The following SIAE variants were observed in gnomAD, a reference collection of about 807,000 sequenced individuals.
The protein encoded by SIAE is sialic acid acetylesterase.
SIAE carries 39 observed loss-of-function variants against 52.6 expected under a neutral mutation model. The ratio of observed to expected loss-of-function variants is 0.74; its 90% CI spans 0.57 to 0.97. The LOEUF is 0.97. Ranked by LOEUF, SIAE falls within the 50% of genes least tolerant of loss-of-function variation. SIAE has a pLI of 0.00. For missense variants in SIAE, 592 were observed against 662.1 expected, an observed-to-expected ratio of 0.89 and a Z score of 1.16; for synonymous variants, 233 against 241.4, an observed-to-expected ratio of 0.97 and a Z score of 0.32.
rs1942754486 is a variant in SIAE, at chr11:124,636,976, C to T, written c.1547G>A (p.Gly516Glu). The part of the protein sequence containing the change: ...FIAFITDQGP[G>E]HQSNVAK The stretch of plus-strand genomic sequence containing the variant: ...TCATTTAGCAACATTGCTCTGATGT[C>T]CAGGACCCTGGTCTGTAATGAAAGC... The change falls in exon 10 of 10, where the codon GGA becomes GAA. Residue 516 changes from glycine (G) to glutamate (E), a missense_variant. Transcript: ENST00000263593. The T allele has an allele frequency of 6.2e-7, 1 of 1,614,024 alleles. No individual in the cohort carries two copies. The highest frequency in any genetic ancestry group is 1.1e-5 in the South Asian group (1 of 91,088).
intron 4 of SIAE, among the ~76,000 whole-genome samples, chr11:124,652,183 GGCAAAATAACAGACCC>G (rs1943027150): frequency 6.6e-6 from 1 of 152,084 alleles, no homozygotes; most frequent in South Asian, 2.1e-4. Flanking sequence ...GTGGGGTGTA[GGCAAAATAACAGACCC>G]CAAAGACGTC....
At chr11:124,641,819 G>A (rs927611611) in intron 7 of SIAE, among the ~76,000 whole-genome samples, 1 of 151,972 alleles carries the variant, frequency 6.6e-6, no homozygotes, top group African/African-American at 2.4e-5. Flanking sequence ...AATTAGCCGG[G>A]AGTGGTTGCA....
intron 9 of SIAE, 98 bp downstream of exon 9, chr11:124,638,444 C>A: frequency 7.4e-7 from 1 of 1,347,080 alleles, no homozygotes; most frequent in Non-Finnish European, 1.1e-6. Context: ...CAACCAAGAC[C>A]CGCCACATCG....
At chr11:124,640,801 C>G (rs1004345892) in intron 7 of SIAE, among the ~76,000 whole-genome samples, 9 of 152,202 alleles carry the variant, frequency 5.9e-5, no homozygotes, top group Non-Finnish European at 8.8e-5. Flanking sequence ...GTGTCACTTC[C>G]TAGCCTAAGT....
chr11:124,648,006 G>T, intron 6 of SIAE, 60 bp downstream of exon 6: 1 of 1,255,106 alleles, frequency 8.0e-7, no homozygotes, highest in Non-Finnish European at 1.2e-6. Context: ...GTTCTAGGGT[G>T]CTGTGTTATA....
chr11:124,639,912 C>A (rs1942817229), intron 7 of SIAE, 45 bp from the exon 8 acceptor site: 1 of 1,606,914 alleles, frequency 6.2e-7, no homozygotes, highest in South Asian at 1.1e-5. Context: ...CAGAATCCCA[C>A]ACTGGAGTCT....
At position 124,635,985 on chromosome 11, in the gene SIAE, C is replaced by T. The variant is rs867669358; in HGVS notation, c.*966G>A. On this transcript the variant is annotated 3_prime_UTR_variant, in exon 10 of 10. Coordinates refer to ENST00000263593, the MANE Select transcript of SIAE (RefSeq NM_170601.5). ...TGTCATGTGGCTTTACTTTCAGCCTCACTCTTTTCTTCTTCCAAATGGATT... is the reference window on the plus strand; with the variant it reads ...TGTCATGTGGCTTTACTTTCAGCCTTACTCTTTTCTTCTTCCAAATGGATT... The T allele has an allele frequency of 1.1e-4, 16 of 152,256 alleles. No homozygotes were observed. Among genetic ancestry groups the T allele is most frequent in the Middle Eastern group, 6.8e-3 (2 of 294 alleles). 9.4% of individuals were successfully genotyped at this position (152,256 alleles called of 1,614,324 possible). A position where few individuals can be genotyped will look rare whatever the true frequency, so the allele number is the denominator to read the frequency against.
At chr11:124,651,694 G>A (rs963428848) in intron 4 of SIAE, among the ~76,000 whole-genome samples, 6 of 152,158 alleles carry the variant, frequency 3.9e-5, no homozygotes, top group African/African-American at 1.2e-4. Flanking sequence ...AATAAACACT[G>A]ACCTCCCCGC....
At position 124,654,808 on chromosome 11, in the gene SIAE, G is replaced by T; in HGVS notation, c.406-15C>A. 1 of 1,612,730 alleles carries T rather than the reference G, an allele frequency of 6.2e-7. No homozygotes were observed. Among genetic ancestry groups the T allele is most frequent in the South Asian group, 1.1e-5 (1 of 90,998 alleles). Reference sequence around the variant, plus strand: ...GCATTAAATATCTGGAAAAGAAATTGAAACGTCATTTAACCTAGCAGGTGG... The same window carrying T: ...GCATTAAATATCTGGAAAAGAAATTTAAACGTCATTTAACCTAGCAGGTGG... On this transcript the variant is annotated splice_polypyrimidine_tract_variant and intron_variant, in intron 3 of 9. Coordinates refer to ENST00000263593, the MANE Select transcript of SIAE (RefSeq NM_170601.5).
intron 2 of SIAE, among the ~76,000 whole-genome samples, chr11:124,667,767 A>G (rs577898900): frequency 3.3e-5 from 5 of 152,136 alleles, no homozygotes; most frequent in African/African-American, 4.8e-5. Context: ...CCTTCATCCC[A>G]TAACTTCTAG....
intron 2 of SIAE, among the ~76,000 whole-genome samples, chr11:124,664,324 C>G (rs570338378): frequency 2.6e-5 from 4 of 151,862 alleles, no homozygotes; most frequent in Admixed American, 2.0e-4. Flanking sequence ...CTCTGCCTCC[C>G]GGGTTCAAGC....
chr11:124,662,563 A>G (rs145201109), intron 2 of SIAE, among the ~76,000 whole-genome samples: 2,006 of 152,264 alleles, frequency 0.013, 25 homozygotes, highest in Non-Finnish European at 0.02. Context: ...GAAGAAAACT[A>G]CCTTCACCAG....
At chr11:124,656,777 G>A (rs1029634596) in intron 3 of SIAE, among the ~76,000 whole-genome samples, 1 of 151,984 alleles carries the variant, frequency 6.6e-6, no homozygotes. Context: ...CAAAACAAAG[G>A]GCCAACGGGA....
intron 2 of SIAE, among the ~76,000 whole-genome samples, chr11:124,664,968 C>G (rs1004106338): frequency 1.3e-5 from 2 of 151,056 alleles, no homozygotes; most frequent in Admixed American, 6.6e-5. Context: ...TCAAGAAGGC[C>G]TTACTGCCTA....
chr11:124,649,518 G>C (rs1455235484), intron 5 of SIAE, 101 bp downstream of exon 5: 31 of 1,241,498 alleles, frequency 2.5e-5, no homozygotes, highest in Non-Finnish European at 3.7e-5. Flanking sequence ...ACACATATTG[G>C]GACATTCACC....
chr11:124,648,646 A>G (rs1942974875), intron 5 of SIAE, among the ~76,000 whole-genome samples: 1 of 152,128 alleles, frequency 6.6e-6, no homozygotes, highest in Non-Finnish European at 1.5e-5. Flanking sequence ...CCCAGAAATG[A>G]AACTGCTGTG....
chr11:124,640,064 G>A (rs1218947612), intron 7 of SIAE, among the ~76,000 whole-genome samples, 197 bp from the exon 8 acceptor site: 2 of 152,152 alleles, frequency 1.3e-5, no homozygotes, highest in African/African-American at 4.8e-5. Context: ...GTGCCCTCTT[G>A]CAGTGCAACT....
At chr11:124,652,272 T>C (rs12295168) in intron 4 of SIAE, among the ~76,000 whole-genome samples, 20,087 of 152,066 alleles carry the variant, frequency 0.13, 3,370 homozygotes, top group African/African-American at 0.39. Context: ...ACTTTGTAGA[T>C]GTGATTAAGG....
At chr11:124,637,292 G>A (rs1942765156) in intron 9 of SIAE, 90 bp from the exon 10 acceptor site, 1 of 1,571,522 alleles carries the variant, frequency 6.4e-7, no homozygotes, top group African/African-American at 1.3e-5. Flanking sequence ...ATGGATGGGA[G>A]GAAAGGAGAC....
Sources: allele counts gnomAD v4.1 joint callset (sites outside exome capture counted in the v4.1 genomes callset), GRCh38; gene constraint gnomAD v4.1.1; transcripts MANE v1.5; gene names NCBI Gene and HGNC (gene_info 2026-07-23, HGNC 2026-07-21).